NOS1AP: variants seen among roughly 807,000 people sequenced by gnomAD.
The protein encoded by NOS1AP is nitric oxide synthase 1 adaptor protein.
In NOS1AP, 21 loss-of-function variants were observed where a neutral mutation model predicts 56.2. The ratio of observed to expected loss-of-function variants is 0.37; its 90% CI spans 0.26 to 0.54. The LOEUF (loss-of-function observed/expected upper bound fraction) is 0.54. Ranked by LOEUF, NOS1AP falls within the 20% of genes least tolerant of loss-of-function variation. The pLI is 0.84. For synonymous variants in NOS1AP, 270 were observed against 274.6 expected (o/e 0.98, Z 0.17); for missense variants, 522 against 657.8 (o/e 0.79, Z 2.26).
At chr1:162,113,046 A>G (rs566080204) in intron 1 of NOS1AP, among the ~76,000 whole-genome samples, 4 of 152,176 alleles carry the variant, frequency 2.6e-5, no homozygotes, top group Non-Finnish European at 4.4e-5. Context: ...CTGAATAGGT[A>G]TATTAGGTCA....
chr1:162,260,602 T>C (rs1307228555), intron 2 of NOS1AP, among the ~76,000 whole-genome samples: 1 of 152,184 alleles, frequency 6.6e-6, no homozygotes, highest in African/African-American at 2.4e-5. Context: ...ACTAGAGACA[T>C]ATTTAGCAGT....
intron 1 of NOS1AP, among the ~76,000 whole-genome samples, chr1:162,110,746 C>T (rs1260840020): frequency 6.6e-6 from 1 of 152,176 alleles, no homozygotes; most frequent in Non-Finnish European, 1.5e-5. Context: ...TTCTGTCTAA[C>T]ATTTAAAAAT....
At position 162,367,750 on chromosome 1, in the gene NOS1AP, C is replaced by T. The variant is rs1209740798; in HGVS notation, c.*283C>T. 3 of 425,358 alleles carry T rather than the reference C, an allele frequency of 7.1e-6. No homozygotes were observed. The highest frequency in any genetic ancestry group is 1.3e-5 in the Non-Finnish European group (3 of 235,026). 26.3% of individuals were successfully genotyped at this position (425,358 alleles called of 1,614,324 possible). On this transcript the variant is annotated 3_prime_UTR_variant, in exon 10 of 10. Transcript: ENST00000361897. The surrounding 1 kb of genome is among the most constrained non-coding windows in gnomAD (Gnocchi z 6.5). ...CATGGCTTCAGGAGAGGGTCTCTCT[C>T]CAGGACTGCCAGGCTGCTGGAGGAC... is the stretch of plus-strand genomic sequence containing the variant.
At chr1:162,093,347 A>G (rs748215413) in intron 1 of NOS1AP, among the ~76,000 whole-genome samples, 5 of 152,224 alleles carry the variant, frequency 3.3e-5, no homozygotes, top group Non-Finnish European at 7.3e-5. Flanking sequence ...TGTTGGCTGC[A>G]AGGGTCATGT....
At chr1:162,132,700 C>T (rs2102064832) in intron 1 of NOS1AP, among the ~76,000 whole-genome samples, 1 of 152,292 alleles carries the variant, frequency 6.6e-6, no homozygotes, top group South Asian at 2.1e-4. Context: ...TTGATGATGA[C>T]ATAATAGGAA....
At chr1:162,137,013 G>A (rs1056291078) in intron 1 of NOS1AP, among the ~76,000 whole-genome samples, 1 of 152,120 alleles carries the variant, frequency 6.6e-6, no homozygotes, top group Non-Finnish European at 1.5e-5. Context: ...TGAGATCCTC[G>A]TCAACTTGGT....
intron 1 of NOS1AP, among the ~76,000 whole-genome samples, chr1:162,086,677 A>G (rs750621656): frequency 6.6e-6 from 1 of 152,168 alleles, no homozygotes; most frequent in Non-Finnish European, 1.5e-5. Context: ...TACCCACTGT[A>G]GTGATTTTGC....
At chr1:162,082,957 C>T (rs1312643587) in intron 1 of NOS1AP, among the ~76,000 whole-genome samples, 1 of 542 alleles carries the variant, frequency 1.8e-3, no homozygotes, top group African/African-American at 1.9e-3. Flanking sequence ...AGTGCAGTGG[C>T]GGGATCTCGG....
In NOS1AP at chr1:162,146,518, G is replaced by A. The variant is rs73026934; in HGVS notation, c.106-7887G>A. 2.3e-3 allele frequency among the ~76,000 whole-genome samples: 351 copies of A among 152,176 alleles called. 2 individuals are homozygous for A. Among genetic ancestry groups the A allele is most frequent in the African/African-American group, 7.9e-3 (329 of 41,522 alleles). On this transcript the variant is annotated intron_variant, in intron 1 of 9. Transcript: ENST00000361897. ...CCCGTCTCTGGTATCCAACTCCCCA[G>A]GGTGTCAGAGTGAGCTTTTCTGCCT...
chr1:162,304,490 C>T (rs1432306263), intron 4 of NOS1AP, among the ~76,000 whole-genome samples: 6 of 152,044 alleles, frequency 3.9e-5, no homozygotes, highest in Admixed American at 6.6e-5. Flanking sequence ...GTATTAGTAT[C>T]GTATGTCTTT....
intron 2 of NOS1AP, among the ~76,000 whole-genome samples, chr1:162,159,348 A>G (rs1226217752): frequency 1.3e-5 from 2 of 152,138 alleles, no homozygotes; most frequent in Non-Finnish European, 2.9e-5. Context: ...AGAGCATGAA[A>G]TTTCTTGTTC....
chr1:162,152,315 G>C (rs1456757324), intron 1 of NOS1AP, among the ~76,000 whole-genome samples: 1 of 152,172 alleles, frequency 6.6e-6, no homozygotes, highest in Non-Finnish European at 1.5e-5. Context: ...TCATGTGATG[G>C]CTGAGGGAAC....
rs373771260 is a variant in NOS1AP at position 162,368,438 on chromosome 1, C to CAAAAAAAG, written c.*978_*979insGAAAAAAA. 1 of 145,728 alleles carries CAAAAAAAG rather than the reference C, an allele frequency of 6.9e-6. No individual in the cohort carries two copies. Among genetic ancestry groups the CAAAAAAAG allele is most frequent in the African/African-American group, 2.6e-5 (1 of 38,446 alleles). The allele number at this position is 145,728 out of a possible 1,614,324, so 9.0% of individuals were successfully genotyped here. On this transcript the variant is annotated 3_prime_UTR_variant, in exon 10 of 10. Transcript: ENST00000361897. ...GGGCAGTGGTGGTCAGTTTTTACTG[C>CAAAAAAAG]AAAAAAAAAAAAAGAAAAAAGAGAA...
chr1:162,367,100 T>C lies in NOS1AP; in HGVS notation c.1154T>C (p.Leu385Pro), dbSNP rs1285234619. ...LLEITFRSGA[L>P]PVLCDPTTPK... is the part of the protein sequence containing the mutation. ...GAGATCACCTTCCGCTCCGGAGCCCTGCCCGTGCTCTGTGACCCCACGACC... is the reference window on the plus strand; with the variant it reads ...GAGATCACCTTCCGCTCCGGAGCCCCGCCCGTGCTCTGTGACCCCACGACC... Residue 385 changes from leucine (L) to proline (P), a missense_variant, in exon 10 of 10, where the codon CTG becomes CCG. Physicochemically the swap from Leu to Pro is moderately conservative, Grantham distance 98. This residue lies in a region of NOS1AP where 160 missense variants were observed against 180.3 expected (regional missense o/e 0.89). Coordinates refer to ENST00000361897, the MANE Select transcript of NOS1AP (RefSeq NM_014697.3). This position sits in a 1 kb window ranked among gnomAD's most constrained non-coding sequence, Gnocchi z 6.5. The C allele has an allele frequency of 1.9e-6, 3 of 1,613,968 alleles. No individual in the cohort carries two copies. The Admixed American group carries it at 5.0e-5, about 27-fold the overall frequency.
At chr1:162,155,258 A>G (rs1164416751) in intron 2 of NOS1AP, among the ~76,000 whole-genome samples, 1 of 146,264 alleles carries the variant, frequency 6.8e-6, no homozygotes, top group Admixed American at 6.9e-5. Flanking sequence ...ACACATACAT[A>G]TATATATACA....
chr1:162,256,594 C>G (rs1490957521), intron 2 of NOS1AP, among the ~76,000 whole-genome samples: 2 of 152,180 alleles, frequency 1.3e-5, no homozygotes, highest in Non-Finnish European at 2.9e-5. Flanking sequence ...GTTTTCCTTC[C>G]TTGTCTCTTA....
Position 162,203,787 on chromosome 1 carries a change from G to A in NOS1AP, c.177+49311G>A, listed in dbSNP as rs147332464. Among the ~76,000 whole-genome samples, 8 of 152,280 alleles carry A rather than the reference G, an allele frequency of 5.3e-5. No homozygotes were observed. In the South Asian group the frequency reaches 6.2e-4, roughly 12 times the overall value. ...AAGCTCCACCTTGCTTCTGAAAGGG[G>A]TTATCACATCCCATCCCATCCAGCA... On this transcript the variant is annotated intron_variant, in intron 2 of 9. Transcript: ENST00000361897.
chr1:162,212,794 G>A (rs1242927401), intron 2 of NOS1AP, among the ~76,000 whole-genome samples: 4 of 130,370 alleles, frequency 3.1e-5, no homozygotes, highest in Non-Finnish European at 1.6e-5. Context: ...TTCCTGCTGG[G>A]ATGTTGCTTC....
intron 1 of NOS1AP, among the ~76,000 whole-genome samples, chr1:162,135,258 G>A (rs936527934): frequency 1.3e-5 from 2 of 152,168 alleles, no homozygotes; most frequent in Non-Finnish European, 2.9e-5. Flanking sequence ...TGTCCTCAGA[G>A]GTATTGGTTG....
Sources: allele counts gnomAD v4.1 joint callset (sites outside exome capture counted in the v4.1 genomes callset), GRCh38; gene constraint gnomAD v4.1.1; regional missense constraint gnomAD v4.1.1; non-coding constraint Gnocchi (gnomAD v3.1); transcripts MANE v1.5; gene names NCBI Gene and HGNC (gene_info 2026-07-23, HGNC 2026-07-21).